Variants in AACS observed in about 807,000 individuals in gnomAD.
AACS encodes the protein acetoacetyl-CoA synthetase, also known as acetoacetate-CoA ligase.
In AACS, 69 loss-of-function variants were observed where a neutral mutation model predicts 83.1. That is an observed-to-expected ratio of 0.83 (90% CI 0.68 to 1.01). The LOEUF is 1.01. Ranked by LOEUF, AACS falls within the 50% of genes least tolerant of loss-of-function variation. The pLI is 0.00. For synonymous variants in AACS, 333 were observed against 343.4 expected (o/e 0.97, Z 0.33); for missense variants, 866 against 882.2 (o/e 0.98, Z 0.23).
intron 7 of AACS, among the ~76,000 whole-genome samples, chr12:125,103,419 A>T (rs748333169): frequency 6.6e-6 from 1 of 151,624 alleles, no homozygotes; most frequent in Admixed American, 6.6e-5. Context: ...ATGTATGTGC[A>T]CATGGTGCAT....
At chr12:125,091,067 C>G in intron 4 of AACS, 1 of 304,518 alleles carries the variant, frequency 3.3e-6, no homozygotes, top group Non-Finnish European at 6.5e-6. Context: ...TGCTGGTGTG[C>G]GTGGAGGAGT....
intron 11 of AACS, 36 bp from the exon 12 acceptor site, chr12:125,124,866 G>C: frequency 5.0e-6 from 8 of 1,614,070 alleles, no homozygotes; most frequent in Non-Finnish European, 6.8e-6. Context: ...CAGGCACTGG[G>C]TTTAGTTTTA....
intron 3 of AACS, among the ~76,000 whole-genome samples, chr12:125,085,354 G>A (rs1024884289): frequency 1.3e-5 from 2 of 149,244 alleles, no homozygotes; most frequent in South Asian, 2.1e-4. Flanking sequence ...TGTCTATTTC[G>A]TGGAACCACG....
At chr12:125,112,904 T>G (rs1343432971) in intron 8 of AACS, among the ~76,000 whole-genome samples, 8 of 152,152 alleles carry the variant, frequency 5.3e-5, no homozygotes, top group Non-Finnish European at 8.8e-5. Context: ...TTTGCTACCA[T>G]GAGAATAGTA....
chr12:125,103,302 C>T (rs1285101712), intron 7 of AACS, among the ~76,000 whole-genome samples: 1 of 152,220 alleles, frequency 6.6e-6, no homozygotes, highest in African/African-American at 2.4e-5. Context: ...CAGTCCCAGG[C>T]ACCCTCACTC....
At position 125,065,721 on chromosome 12, in the gene AACS, A is replaced by G; in HGVS notation, c.133+4A>G. 6.5e-7 allele frequency: 1 copy of G among 1,527,434 alleles called. No homozygotes were observed. The highest frequency in any genetic ancestry group is 1.2e-5 in the South Asian group (1 of 81,854). The allele number at this position is 1,527,434 out of a possible 1,614,324, so 94.6% of individuals were successfully genotyped here. ...GCCGCCTGCGGCCTGGCGCTGGGTG[A>G]GAGTCGGGCGCGCGGCCGGGCCTGC... On this transcript the variant is annotated splice_donor_region_variant and intron_variant, in intron 1 of 17. Coordinates refer to ENST00000316519, the MANE Select transcript of AACS (RefSeq NM_023928.5).
At chr12:125,141,955 G>A in intron 17 of AACS, 137 bp from the exon 18 acceptor site, 6 of 1,044,972 alleles carry the variant, frequency 5.7e-6, no homozygotes, top group Non-Finnish European at 8.5e-6. Context: ...TGGGAAGAGG[G>A]GCATCTTAGA....
intron 3 of AACS, chr12:125,078,242 A>T (rs551677729): frequency 1.8e-4 from 80 of 456,056 alleles, no homozygotes; most frequent in Non-Finnish European, 3.4e-4. Context: ...TCCCACCGAG[A>T]CTTACTGGGA....
At chr12:125,107,680 G>A (rs1418057795) in intron 8 of AACS, among the ~76,000 whole-genome samples, 2 of 152,218 alleles carry the variant, frequency 1.3e-5, no homozygotes. Context: ...TTAGCGCAGT[G>A]CCAGACGCAA....
rs368286099 is a variant in AACS, at chr12:125,094,296, A to G, written c.570+2773A>G. On this transcript the variant is annotated intron_variant, in intron 5 of 17. Transcript: ENST00000316519. The surrounding 1 kb of genome is among the most constrained non-coding windows in gnomAD (Gnocchi z 4.1). ...TAAGGGGCGCTCTTCAGAAACTGCA[A>G]TGAAGCGTGAATGTCTTCCCTTTGG... is the stretch of plus-strand genomic sequence containing the variant. Among the ~76,000 whole-genome samples the G allele has an allele frequency of 2.6e-5, 4 of 152,250 alleles. No individual in the cohort carries two copies. Among genetic ancestry groups the G allele is most frequent in the Non-Finnish European group, 5.9e-5 (4 of 68,042 alleles).
intron 3 of AACS, among the ~76,000 whole-genome samples, chr12:125,082,388 C>CAATA (rs1956213586): frequency 1.3e-5 from 2 of 149,996 alleles, no homozygotes; most frequent in South Asian, 4.2e-4. Context: ...ATTGCCTAGG[C>CAATA]TGGTCTCGAA....
chr12:125,088,240 T>C (rs1255944178), intron 4 of AACS, among the ~76,000 whole-genome samples: 1 of 151,356 alleles, frequency 6.6e-6, no homozygotes, highest in Non-Finnish European at 1.5e-5. Context: ...TTTTTTTTTT[T>C]TTTCTTTTTG....
At chr12:125,073,434 A>G (rs749913046) in intron 1 of AACS, among the ~76,000 whole-genome samples, 43 of 152,294 alleles carry the variant, frequency 2.8e-4, no homozygotes, top group Admixed American at 5.2e-4. Context: ...TCCTAATGCC[A>G]TGGTGTTAAT....
chr12:125,085,527 C>T (rs544687255), intron 3 of AACS, among the ~76,000 whole-genome samples: 23 of 152,310 alleles, frequency 1.5e-4, no homozygotes, highest in Admixed American at 2.6e-4. Flanking sequence ...GAACCACGTA[C>T]GTGCACGTTG....
Position 125,096,224 on chromosome 12 carries a change from G to A in AACS, c.570+4701G>A, listed in dbSNP as rs868209204. Reference sequence around the variant, plus strand: ...CGTGATGCAAAGTGCTGGGATTACAGGCATGAGCCACTGTGCCCAGCCTTA... The same window carrying A: ...CGTGATGCAAAGTGCTGGGATTACAAGCATGAGCCACTGTGCCCAGCCTTA... On this transcript the variant is annotated intron_variant, in intron 5 of 17. Coordinates refer to ENST00000316519, the MANE Select transcript of AACS (RefSeq NM_023928.5). 3.3e-4 allele frequency among the ~76,000 whole-genome samples: 51 copies of A among 152,338 alleles called. 1 individual carries two copies. Among genetic ancestry groups the A allele is most frequent in the African/African-American group, 1.2e-3 (50 of 41,562 alleles).
rs531148525 is a variant in AACS at position 125,133,394 on chromosome 12, A to G, written c.1550-609A>G. Among the ~76,000 whole-genome samples the G allele has an allele frequency of 3.9e-5, 6 of 152,136 alleles. No homozygotes were observed. In the South Asian group the frequency reaches 1.2e-3, roughly 32 times the overall value. The stretch of plus-strand genomic sequence containing the variant: ...TCTCTGAACAGCTGCACATGAGGCC[A>G]CTCACGTGGCCTGCTGACACTGTGT... On this transcript the variant is annotated intron_variant, in intron 14 of 17. Transcript: ENST00000316519.
rs1957476448 is a variant in AACS, at chr12:125,140,806, A to G, written c.1882-1286A>G. The G allele has an allele frequency of 6.6e-6, 1 of 152,246 alleles. No individual in the cohort carries two copies. The highest frequency in any genetic ancestry group is 2.1e-4 in the South Asian group (1 of 4,834). 9.4% of individuals were successfully genotyped at this position (152,246 alleles called of 1,614,324 possible). A position where few individuals can be genotyped will look rare whatever the true frequency, so the allele number is the denominator to read the frequency against. On this transcript the variant is annotated intron_variant, in intron 17 of 17. Coordinates refer to ENST00000316519, the MANE Select transcript of AACS (RefSeq NM_023928.5). This position sits in a 1 kb window ranked among gnomAD's most constrained non-coding sequence, Gnocchi z 5.1. ...GAAGAAGTAACACACCGTCCCGTGCAGATGGCTGGCTCTGAGGAGGAGTTC... is the reference window on the plus strand; with the variant it reads ...GAAGAAGTAACACACCGTCCCGTGCGGATGGCTGGCTCTGAGGAGGAGTTC...
At chr12:125,121,039 GT>G (rs1453773521) in intron 10 of AACS, 1 of 152,348 alleles carries the variant, frequency 6.6e-6, no homozygotes, top group African/African-American at 2.4e-5. Context: ...TCACAGCATG[GT>G]GGCTGGTTCC....
intron 3 of AACS, among the ~76,000 whole-genome samples, chr12:125,086,085 C>T (rs1041981750): frequency 7.2e-5 from 11 of 152,200 alleles, no homozygotes; most frequent in East Asian, 5.8e-4. Context: ...GCCCCTGCAC[C>T]GGGCCTAATA....
Sources: gnomAD v4.1 joint callset for allele counts (sites outside exome capture counted in the v4.1 genomes callset) on GRCh38, gnomAD v4.1.1 for gene constraint, Gnocchi (gnomAD v3.1) non-coding constraint, MANE v1.5 for transcripts, NCBI Gene and HGNC (gene_info 2026-07-23, HGNC 2026-07-21) for gene names.